Variants in MARCHF1 observed in about 807,000 individuals in gnomAD.
MARCHF1 encodes the protein membrane associated ring-CH-type finger 1.
A neutral mutation model predicts 54.2 loss-of-function variants in MARCHF1; 40 were observed. That is an observed-to-expected ratio of 0.74 (90% CI 0.57 to 0.96). The LOEUF is 0.96. Ranked by LOEUF, MARCHF1 falls within the 40% of genes least tolerant of loss-of-function variation. The pLI, the probability that MARCHF1 is intolerant of heterozygous loss-of-function variation, is 0.00. For synonymous variants in MARCHF1, 236 were observed against 236.3 expected (o/e 1.00, Z 0.01); for missense variants, 586 against 656.5 (o/e 0.89, Z 1.17).
At chr4:164,196,234 G>T (rs1210967029) in intron 1 of MARCHF1, among the ~76,000 whole-genome samples, 1 of 151,892 alleles carries the variant, frequency 6.6e-6, no homozygotes, top group Admixed American at 6.6e-5. Flanking sequence ...AGTCTCTAAG[G>T]TACAATATAT....
intron 1 of MARCHF1, among the ~76,000 whole-genome samples, chr4:164,250,214 A>C (rs1416836593): frequency 1.3e-5 from 2 of 152,126 alleles, no homozygotes; most frequent in African/African-American, 4.8e-5. Context: ...GGTTAAAGTC[A>C]TTATGTTTTA....
At chr4:164,263,540 G>A (rs1005303660) in intron 1 of MARCHF1, among the ~76,000 whole-genome samples, 6 of 152,060 alleles carry the variant, frequency 3.9e-5, no homozygotes, top group African/African-American at 1.4e-4. Flanking sequence ...GGGATTACTA[G>A]CATATGCCAC....
chr4:163,777,737 A>G (rs928755123), intron 4 of MARCHF1, among the ~76,000 whole-genome samples: 7 of 152,238 alleles, frequency 4.6e-5, no homozygotes, highest in African/African-American at 1.7e-4. Flanking sequence ...TACCTCCTTC[A>G]TATTTTTTAC....
chr4:164,309,355 A>T (rs77507647), intron 1 of MARCHF1, among the ~76,000 whole-genome samples: 1 of 151,892 alleles, frequency 6.6e-6, no homozygotes, highest in Non-Finnish European at 1.5e-5. Context: ...TCCCTGCCAC[A>T]TTTCAGGAAG....
rs528993693 is a variant in MARCHF1, at chr4:163,547,354, C to A, written c.1192-1611G>T. Among the ~76,000 whole-genome samples the A allele has an allele frequency of 5.3e-5, 8 of 152,344 alleles. No homozygotes were observed. The South Asian group carries it at 1.7e-3, about 32-fold the overall frequency. ...CCCATCTTAAAGCTGCCTTTCCAAC[C>A]TTTCTTGGCTCAGGTGTACATTGAT... On this transcript the variant is annotated intron_variant, in intron 8 of 9. Transcript: ENST00000514618.
At chr4:163,760,213 T>G (rs1746790514) in intron 4 of MARCHF1, among the ~76,000 whole-genome samples, 1 of 152,232 alleles carries the variant, frequency 6.6e-6, no homozygotes. Flanking sequence ...TGCTCCTTCT[T>G]GTGATGCTCT....
chr4:163,594,943 G>A (rs992907884), intron 7 of MARCHF1, among the ~76,000 whole-genome samples: 15 of 152,248 alleles, frequency 9.9e-5, no homozygotes, highest in Middle Eastern at 3.4e-3. Flanking sequence ...GCAATCCCAC[G>A]TCTAAGTATC....
At chr4:164,235,109 C>T (rs1579645451) in intron 1 of MARCHF1, among the ~76,000 whole-genome samples, 1 of 152,006 alleles carries the variant, frequency 6.6e-6, no homozygotes, top group East Asian at 1.9e-4. Flanking sequence ...TCCCCCAGGC[C>T]TCTTCTTTCT....
intron 4 of MARCHF1, among the ~76,000 whole-genome samples, chr4:163,815,412 G>C (rs1467079245): frequency 2.0e-5 from 3 of 152,194 alleles, no homozygotes; most frequent in African/African-American, 7.2e-5. Flanking sequence ...TCTATTATGA[G>C]TAATGCACTG....
chr4:163,891,400 C>T (rs1016692228), intron 3 of MARCHF1, among the ~76,000 whole-genome samples: 21 of 151,982 alleles, frequency 1.4e-4, no homozygotes, highest in African/African-American at 4.8e-4. Context: ...ATTTACACAA[C>T]GCTTCATGTT....
chr4:164,027,458 A>G lies in MARCHF1; in HGVS notation c.-247-38749T>C, dbSNP rs1394638041. On this transcript the variant is annotated intron_variant, in intron 2 of 9. Coordinates refer to ENST00000514618, the MANE Select transcript of MARCHF1 (RefSeq NM_001394959.1). ...CCAGAAATAATCCTGCTCACCTACA[A>G]TCATCTGATGATCTACAAAGCTGAC... Among the ~76,000 whole-genome samples, 3 of 150,860 alleles carry G rather than the reference A, an allele frequency of 2.0e-5. No individual in the cohort carries two copies. In the Admixed American group the frequency reaches 2.0e-4, roughly 10 times the overall value.
chr4:164,251,303 T>C (rs1164271723), intron 1 of MARCHF1, among the ~76,000 whole-genome samples: 1 of 152,186 alleles, frequency 6.6e-6, no homozygotes, highest in Non-Finnish European at 1.5e-5. Flanking sequence ...GCTGAGCAGA[T>C]TCAAAGTCAC....
chr4:164,351,942 G>A (rs1157578477), intron 1 of MARCHF1, among the ~76,000 whole-genome samples: 9 of 149,316 alleles, frequency 6.0e-5, no homozygotes, highest in African/African-American at 2.2e-4. Flanking sequence ...GAAAACCAAG[G>A]CTCGAGAACT....
chr4:163,850,194 C>T (rs1372547227), intron 4 of MARCHF1, among the ~76,000 whole-genome samples: 3 of 152,162 alleles, frequency 2.0e-5, no homozygotes, highest in Admixed American at 6.5e-5. Flanking sequence ...ACCACCACCA[C>T]CCCAGATGTA....
chr4:163,844,644 G>A (rs1372836058), intron 4 of MARCHF1, among the ~76,000 whole-genome samples: 7 of 152,118 alleles, frequency 4.6e-5, no homozygotes, highest in Admixed American at 4.6e-4. Flanking sequence ...TTCCAACTGG[G>A]TGATTACTGT....
rs534662172 is a variant in MARCHF1, at chr4:163,872,209, T to C, written c.-38-18040A>G. Among the ~76,000 whole-genome samples the C allele has an allele frequency of 5.0e-4, 76 of 152,364 alleles. 1 individual carries two copies. The highest frequency in any genetic ancestry group is 3.4e-3 in the Middle Eastern group (1 of 294). On this transcript the variant is annotated intron_variant, in intron 3 of 9. Coordinates refer to ENST00000514618, the MANE Select transcript of MARCHF1 (RefSeq NM_001394959.1). ...CCCTTTTGTCTATGTAATGTGTATGTGTTCTGGGGCTATCTGAGCATGTGT... is the reference window on the plus strand; with the variant it reads ...CCCTTTTGTCTATGTAATGTGTATGCGTTCTGGGGCTATCTGAGCATGTGT...
intron 7 of MARCHF1, among the ~76,000 whole-genome samples, chr4:163,608,696 A>T (rs1167755597): frequency 2.0e-5 from 3 of 152,064 alleles, no homozygotes; most frequent in Non-Finnish European, 4.4e-5. Flanking sequence ...AAAGGCTGTG[A>T]TGAAGGAGGC....
intron 1 of MARCHF1, among the ~76,000 whole-genome samples, chr4:164,151,472 A>T (rs978090402): frequency 6.6e-5 from 10 of 152,196 alleles, no homozygotes; most frequent in Non-Finnish European, 1.2e-4. Context: ...TTAATGTTAC[A>T]AACAATAGTC....
chr4:163,534,654 T>C (rs543010044), intron 9 of MARCHF1, among the ~76,000 whole-genome samples: 2 of 152,202 alleles, frequency 1.3e-5, no homozygotes, highest in South Asian at 4.1e-4. Context: ...TTTTAGAAAC[T>C]TTAGAGTACG....
Sources: gnomAD v4.1 joint callset for allele counts (sites outside exome capture counted in the v4.1 genomes callset) on GRCh38, gnomAD v4.1.1 for gene constraint, MANE v1.5 for transcripts, NCBI Gene and HGNC (gene_info 2026-07-23, HGNC 2026-07-21) for gene names.